Variants in SORBS2 observed in about 807,000 individuals in gnomAD.
SORBS2 encodes sorbin and SH3 domain-containing protein 2.
Under a neutral mutation model 97.7 loss-of-function variants are expected in SORBS2, and 46 were observed. That is an observed-to-expected ratio of 0.47 (90% CI 0.37 to 0.60). The LOEUF (loss-of-function observed/expected upper bound fraction) is 0.60, where lower values mean the gene tolerates loss of function less well. Ranked by LOEUF, SORBS2 falls within the 20% of genes least tolerant of loss-of-function variation. The probability of loss-of-function intolerance (pLI) is 0.00; values close to 1 mark genes in which losing one functional copy is unlikely to be tolerated. For synonymous variants in SORBS2, 476 were observed against 473.4 expected, an observed-to-expected ratio of 1.01 and a Z score of -0.07; for missense variants, 1,316 against 1,282.3, an observed-to-expected ratio of 1.03 and a Z score of -0.40.
At chr4:185,938,389 T>TACACACATACACACACACAC (rs35369073) in intron 1 of SORBS2, among the ~76,000 whole-genome samples, 1 of 136,440 alleles carries the variant, frequency 7.3e-6, no homozygotes, top group African/African-American at 2.8e-5. Flanking sequence ...TGTAGACACA[T>TACACACATACACACACACAC]ACACACACAC....
intron 2 of SORBS2, among the ~76,000 whole-genome samples, chr4:185,735,409 T>C: frequency 6.6e-6 from 1 of 151,484 alleles, no homozygotes; most frequent in Non-Finnish European, 1.5e-5. Context: ...GGCAGAATAT[T>C]ATTTGCAGAT....
chr4:185,731,896 A>C (rs1215723928), intron 2 of SORBS2, among the ~76,000 whole-genome samples: 71 of 90,762 alleles, frequency 7.8e-4, no homozygotes, highest in Non-Finnish European at 1.2e-3. Flanking sequence ...ATATATATAT[A>C]TATATATATA....
intron 1 of SORBS2, among the ~76,000 whole-genome samples, chr4:185,900,785 G>A (rs1439499652): frequency 1.3e-5 from 2 of 152,086 alleles, no homozygotes; most frequent in Non-Finnish European, 2.9e-5. Context: ...GAGGGAGACA[G>A]GGAAACAGAG....
At chr4:185,729,925 C>G (rs2098601193) in intron 2 of SORBS2, among the ~76,000 whole-genome samples, 1 of 152,040 alleles carries the variant, frequency 6.6e-6, no homozygotes, top group Non-Finnish European at 1.5e-5. Flanking sequence ...CTGTCTAATT[C>G]CTTCTGTAGC....
exon 7 of SORBS2, chr4:185,624,143 G>T (rs2096769232): frequency 1.2e-6 from 2 of 1,614,098 alleles, no homozygotes; most frequent in Non-Finnish European, 1.7e-6. Flanking sequence ...CGGGACGTAG[G>T]GGGACCCCCA....
chr4:185,839,263 C>A (rs965610536), intron 1 of SORBS2, among the ~76,000 whole-genome samples: 2 of 152,194 alleles, frequency 1.3e-5, no homozygotes, highest in African/African-American at 4.8e-5. Context: ...TAACCTCAGC[C>A]GCTGGCTTGG....
chr4:185,640,019 TAC>T (rs1270469130), intron 4 of SORBS2, among the ~76,000 whole-genome samples: 1 of 152,240 alleles, frequency 6.6e-6, no homozygotes, highest in Non-Finnish European at 1.5e-5. Flanking sequence ...TTGCTAATGA[TAC>T]ACAGTCTACA....
chr4:185,717,181 A>T (rs1207036111), intron 2 of SORBS2, among the ~76,000 whole-genome samples: 1 of 152,204 alleles, frequency 6.6e-6, no homozygotes, highest in Non-Finnish European at 1.5e-5. Flanking sequence ...GTGCACCCAC[A>T]CCCAGCCACA....
intron 1 of SORBS2, among the ~76,000 whole-genome samples, chr4:185,810,242 A>G (rs1379153115): frequency 6.6e-6 from 1 of 152,220 alleles, no homozygotes; most frequent in Non-Finnish European, 1.5e-5. Context: ...CTATTTTGAC[A>G]TTTAGAACAA....
chr4:185,667,108 T>C (rs566306953), intron 4 of SORBS2, among the ~76,000 whole-genome samples: 1 of 152,200 alleles, frequency 6.6e-6, no homozygotes, highest in Non-Finnish European at 1.5e-5. Context: ...CGTAAGTGAA[T>C]AAAACTCCGA....
rs1024416471 is a variant in SORBS2 at position 185,954,800 on chromosome 4, G to A, written c.-338+1396C>T. Among the ~76,000 whole-genome samples the A allele has an allele frequency of 5.3e-5, 8 of 152,086 alleles. No individual in the cohort carries two copies. In the East Asian group the frequency reaches 1.6e-3, roughly 29 times the overall value. On this transcript the variant is annotated intron_variant, in intron 1 of 20. Coordinates refer to the SORBS2 transcript ENST00000284776. ...TGGCAAAACCCCAACTCTACTAAAA[G>A]TACAAAAATTAGCAGGATGTGGAGG...
In SORBS2 at chr4:185,651,803, A is replaced by G. The variant is rs760657727; in HGVS notation, c.91+859T>C. On this transcript the variant is annotated intron_variant, in intron 2 of 14. Transcript: ENST00000418609. ...TCCTACCTGCATTGTATGTATAAGG[A>G]GTATTATACATGTCTGTGTCATCAT... 3.3e-6 allele frequency: 5 copies of G among 1,502,998 alleles called. No individual in the cohort carries two copies. In the East Asian group the frequency reaches 1.1e-4, roughly 34 times the overall value. The allele number at this position is 1,502,998 out of a possible 1,614,324, so 93.1% of individuals were successfully genotyped here.
At chr4:185,746,191 G>T (rs773164828) in intron 2 of SORBS2, among the ~76,000 whole-genome samples, 1 of 152,190 alleles carries the variant, frequency 6.6e-6, no homozygotes, top group Non-Finnish European at 1.5e-5. Context: ...TCAAACACTC[G>T]TAGTTGTGTC....
At chr4:185,894,851 C>CT (rs1320525147) in intron 1 of SORBS2, among the ~76,000 whole-genome samples, 1 of 152,174 alleles carries the variant, frequency 6.6e-6, no homozygotes, top group Non-Finnish European at 1.5e-5. Context: ...TGAAGGAGGC[C>CT]TGGAGACCAG....
intron 1 of SORBS2, among the ~76,000 whole-genome samples, chr4:185,836,262 C>A (rs2099208018): frequency 6.6e-6 from 1 of 152,152 alleles, no homozygotes. Context: ...CCTGCTGAGG[C>A]TAACTGAAAG....
chr4:185,656,149 C>T (rs1255116474), intron 1 of SORBS2, among the ~76,000 whole-genome samples: 3 of 152,210 alleles, frequency 2.0e-5, no homozygotes, highest in Admixed American at 6.5e-5. Flanking sequence ...AATCCCTGAA[C>T]TTTTCTTTGG....
chr4:185,800,550 C>T (rs920179966), intron 1 of SORBS2, among the ~76,000 whole-genome samples: 7 of 152,114 alleles, frequency 4.6e-5, no homozygotes, highest in Admixed American at 6.5e-5. Flanking sequence ...CTTTGCTGTC[C>T]TCCCTGGGAT....
chr4:185,624,416 T>C, exon 7 of SORBS2: 1 of 1,614,126 alleles, frequency 6.2e-7, no homozygotes, highest in Non-Finnish European at 8.5e-7. Context: ...AGTGCTACAG[T>C]AATCTAACTC....
chr4:185,691,993 C>T (rs543167333), intron 2 of SORBS2, among the ~76,000 whole-genome samples: 48 of 152,332 alleles, frequency 3.2e-4, no homozygotes, highest in African/African-American at 9.9e-4. Flanking sequence ...GTGATCCGCC[C>T]GCCTCGGCCT....
Sources: allele counts gnomAD v4.1 joint callset (sites outside exome capture counted in the v4.1 genomes callset), GRCh38; gene constraint gnomAD v4.1.1; transcripts MANE v1.5; gene names NCBI Gene and HGNC (gene_info 2026-07-23, HGNC 2026-07-21).